PHC3: variants seen among roughly 807,000 people sequenced by gnomAD.
The protein encoded by PHC3 is polyhomeotic homolog 3, also known as polyhomeotic-like protein 3.
Under a neutral mutation model 107.4 loss-of-function variants are expected in PHC3, and 13 were observed. The observed-to-expected ratio is 0.12, with a 90% confidence interval of 0.08 to 0.19. The LOEUF is 0.19. PHC3 is among the 10% of genes least tolerant of loss of function. The pLI is 1.00. For synonymous variants in PHC3, 456 were observed against 427.4 expected (o/e 1.07, Z -0.83); for missense variants, 992 against 1,210.9 (o/e 0.82, Z 2.68).
At chr3:170,105,280 T>C (rs1576971450) in intron 12 of PHC3, among the ~76,000 whole-genome samples, 1 of 152,210 alleles carries the variant, frequency 6.6e-6, no homozygotes, top group African/African-American at 2.4e-5. Context: ...AAAACTCAAG[T>C]TAAAACATGA....
At chr3:170,118,965 T>TA (rs1396778063) in intron 9 of PHC3, among the ~76,000 whole-genome samples, 2 of 126,454 alleles carry the variant, frequency 1.6e-5, no homozygotes, top group Non-Finnish European at 3.2e-5. Context: ...TTTCACCAAA[T>TA]AATCCACCAA....
intron 4 of PHC3, among the ~76,000 whole-genome samples, chr3:170,166,519 A>AT (rs144685041): frequency 9.2e-5 from 14 of 152,086 alleles, no homozygotes; most frequent in Non-Finnish European, 1.5e-4. Context: ...ATTAACTATC[A>AT]TTTTTTTAAC....
intron 11 of PHC3, among the ~76,000 whole-genome samples, chr3:170,112,299 C>A (rs960354058): frequency 3.3e-5 from 5 of 151,914 alleles, no homozygotes; most frequent in African/African-American, 1.2e-4. Context: ...CAACTTCCGA[C>A]TCCCTGGTTC....
At position 170,171,360 on chromosome 3, in the gene PHC3, T is replaced by G; in HGVS notation, c.414+13A>C. The G allele has an allele frequency of 1.9e-6, 3 of 1,563,502 alleles. No individual in the cohort carries two copies. Among genetic ancestry groups the G allele is most frequent in the Non-Finnish European group, 2.6e-6 (3 of 1,154,098 alleles). On this transcript the variant is annotated intron_variant, in intron 4 of 14. Coordinates refer to ENST00000495893, the MANE Select transcript of PHC3 (RefSeq NM_024947.4). ...AATTTTAAATCCAGGAAAAAAAAAT[T>G]TAGGGAACTTACAGACGTTTGGGAC...
At chr3:170,129,676 C>T in intron 7 of PHC3, 124 bp from the exon 8 acceptor site, 3 of 1,083,484 alleles carry the variant, frequency 2.8e-6, no homozygotes, top group South Asian at 3.4e-5. Context: ...TACAAGTTTT[C>T]CAAACAAGAG....
At chr3:170,164,609 C>T (rs1196823928) in intron 4 of PHC3, among the ~76,000 whole-genome samples, 1 of 152,000 alleles carries the variant, frequency 6.6e-6, no homozygotes, top group African/African-American at 2.4e-5. Flanking sequence ...TCAGAAGACC[C>T]CAAAAGGTAA....
intron 1 of PHC3, 32 bp downstream of exon 1, chr3:170,181,670 G>C (rs1731465904): frequency 6.2e-7 from 1 of 1,613,170 alleles, no homozygotes; most frequent in Non-Finnish European, 8.5e-7. Context: ...GCCCCCCCTA[G>C]TTACGACATC....
At chr3:170,126,529 T>TATATATATATATATATA (rs1491097010) in intron 8 of PHC3, among the ~76,000 whole-genome samples, 1 of 39,980 alleles carries the variant, frequency 2.5e-5, no homozygotes, top group African/African-American at 8.0e-5. Context: ...TATATATATA[T>TATATATATATATATATA]TTTTTTTTTT....
intron 4 of PHC3, among the ~76,000 whole-genome samples, chr3:170,161,294 A>T (rs1459275445): frequency 6.6e-6 from 1 of 152,218 alleles, no homozygotes; most frequent in African/African-American, 2.4e-5. Flanking sequence ...TAAGGCCCAT[A>T]GTCCAATCTG....
chr3:170,115,454 C>T (rs993652663), intron 10 of PHC3, among the ~76,000 whole-genome samples: 4 of 151,854 alleles, frequency 2.6e-5, no homozygotes, highest in African/African-American at 9.7e-5. Context: ...TACATATATA[C>T]CACAATACAT....
In PHC3 at chr3:170,097,387, GGAA is replaced by G. The variant is rs1226431926; in HGVS notation, c.2834-6_2834-4del. On this transcript the variant is annotated splice_polypyrimidine_tract_variant and splice_region_variant and intron_variant, in intron 14 of 14. Coordinates refer to ENST00000495893, the MANE Select transcript of PHC3 (RefSeq NM_024947.4). This position sits in a 1 kb window ranked among gnomAD's most constrained non-coding sequence, Gnocchi z 4.1. The stretch of plus-strand genomic sequence containing the variant: ...TTCATCTGCGATATCCTGGCAGCCT[GGAA>G]TTTGACCAGAGGACAGAAGTTAGAA... 1.2e-6 allele frequency: 2 copies of G among 1,611,642 alleles called. No individual in the cohort carries two copies. The highest frequency in any genetic ancestry group is 4.5e-5 in the East Asian group (2 of 44,850).
chr3:170,144,129 GGC>G (rs1452826357), intron 6 of PHC3, among the ~76,000 whole-genome samples: 1 of 149,750 alleles, frequency 6.7e-6, no homozygotes, highest in Non-Finnish European at 1.5e-5. Context: ...AGACCAGCCT[GGC>G]TAACATGGTG....
At chr3:170,130,849 T>C (rs996504093) in intron 7 of PHC3, among the ~76,000 whole-genome samples, 4 of 152,102 alleles carry the variant, frequency 2.6e-5, no homozygotes, top group African/African-American at 7.2e-5. Flanking sequence ...ACTGAAACAA[T>C]TGCTTAATGT....
intron 2 of PHC3, among the ~76,000 whole-genome samples, chr3:170,174,446 A>C (rs1181961419): frequency 6.6e-6 from 1 of 152,222 alleles, no homozygotes; most frequent in African/African-American, 2.4e-5. Flanking sequence ...CTAAAATCAG[A>C]GAAAATTCTT....
chr3:170,143,891 A>G (rs778012725), intron 6 of PHC3, among the ~76,000 whole-genome samples: 15 of 152,092 alleles, frequency 9.9e-5, no homozygotes, highest in Non-Finnish European at 1.9e-4. Context: ...GTTTTTCACT[A>G]TAGTTTTTCC....
In PHC3 at chr3:170,097,944, T is replaced by G. The variant is rs1714850650; in HGVS notation, c.2834-560A>C. On this transcript the variant is annotated intron_variant, in intron 14 of 14. Coordinates refer to ENST00000495893, the MANE Select transcript of PHC3 (RefSeq NM_024947.4). This position sits in a 1 kb window ranked among gnomAD's most constrained non-coding sequence, Gnocchi z 4.1. Reference sequence around the variant, plus strand: ...TATTGTTCACTCGGGACATATCAAATTTCTCAAGACTGTATTACCAATCTA... The same window carrying G: ...TATTGTTCACTCGGGACATATCAAAGTTCTCAAGACTGTATTACCAATCTA... Among the ~76,000 whole-genome samples, 1 of 152,210 alleles carries G rather than the reference T, an allele frequency of 6.6e-6. No homozygotes were observed.
At chr3:170,149,608 C>T (rs1359925058) in intron 4 of PHC3, among the ~76,000 whole-genome samples, 4 of 152,230 alleles carry the variant, frequency 2.6e-5, no homozygotes, top group Admixed American at 1.3e-4. Context: ...GCATACGCCA[C>T]CACGCCCGGC....
chr3:170,168,609 C>T (rs1163225354), intron 4 of PHC3, among the ~76,000 whole-genome samples: 1 of 152,058 alleles, frequency 6.6e-6, no homozygotes, highest in African/African-American at 2.4e-5. Flanking sequence ...AAAAAATTAG[C>T]AGGGTGCGGT....
At chr3:170,131,444 T>C (rs560348908) in intron 7 of PHC3, among the ~76,000 whole-genome samples, 2 of 152,316 alleles carry the variant, frequency 1.3e-5, no homozygotes, top group Admixed American at 1.3e-4. Context: ...TAGATTTTTT[T>C]GCAAGCATAA....
Sources: gnomAD v4.1 joint callset for allele counts (sites outside exome capture counted in the v4.1 genomes callset) on GRCh38, gnomAD v4.1.1 for gene constraint, Gnocchi (gnomAD v3.1) non-coding constraint, MANE v1.5 for transcripts, NCBI Gene and HGNC (gene_info 2026-07-23, HGNC 2026-07-21) for gene names.